Variants in SH2B2 observed in about 807,000 individuals in gnomAD.
The protein encoded by SH2B2 is SH2B adapter protein 2.
SH2B2 carries 37 observed loss-of-function variants against 35.7 expected under a neutral mutation model. The ratio of observed to expected loss-of-function variants is 1.04; its 90% CI spans 0.80 to 1.36. The LOEUF (loss-of-function observed/expected upper bound fraction) is 1.36, where lower values mean the gene tolerates loss of function less well. SH2B2 is among the 40% of genes most tolerant of loss of function. The pLI, the probability that SH2B2 is intolerant of heterozygous loss-of-function variation, is 0.00. For missense variants in SH2B2, 852 were observed against 817.7 expected, an observed-to-expected ratio of 1.04 and a Z score of -0.51; for synonymous variants, 383 against 376.4, an observed-to-expected ratio of 1.02 and a Z score of -0.20.
intron 7 of SH2B2, among the ~76,000 whole-genome samples, chr7:102,318,632 A>C: frequency 6.6e-6 from 1 of 151,780 alleles, no homozygotes; most frequent in Non-Finnish European, 1.5e-5. Context: ...GAACCTTAGG[A>C]CTCCTGCTCC....
rs1018486068 is a variant in SH2B2 at position 102,320,320 on chromosome 7, T to G, written c.1396-11T>G. ...GGACCTGCCCCTGACCACACCCACC[T>G]GTACCCACAGCACCTGCGCCTGTCC... On this transcript the variant is annotated splice_polypyrimidine_tract_variant and intron_variant, in intron 7 of 8. Coordinates refer to ENST00000444095, the MANE Select transcript of SH2B2 (RefSeq NM_001359228.2). 1.9e-6 allele frequency: 3 copies of G among 1,607,718 alleles called. No homozygotes were observed. Among genetic ancestry groups the G allele is most frequent in the Non-Finnish European group, 2.5e-6 (3 of 1,178,998 alleles).
In SH2B2 at chr7:102,300,722, G is replaced by T. The variant is rs1383165812; in HGVS notation, c.172G>T (p.Gly58Cys). The change falls in exon 2 of 9, where the codon GGC (glycine) becomes TGC (cysteine). Residue 58 changes from glycine to cysteine, a missense_variant. Coordinates refer to ENST00000444095, the MANE Select transcript of SH2B2 (RefSeq NM_001359228.2). ...CCCAGCTTACGACACGCCCGACGCC[G>T]GCGCCTCCTTCTCCCGCCACTTCGC... is the stretch of plus-strand genomic sequence containing the variant. ...DNPAYDTPDA[G>C]ASFSRHFAAN... 13 of 1,530,568 alleles carry T rather than the reference G, an allele frequency of 8.5e-6. No homozygotes were observed. The African/African-American group carries it at 1.8e-4, about 21-fold the overall frequency. 94.8% of individuals were successfully genotyped at this position (1,530,568 alleles called of 1,614,324 possible). A position where few individuals can be genotyped will look rare whatever the true frequency, so the allele number is the denominator to read the frequency against.
intron 2 of SH2B2, 150 bp downstream of exon 2, chr7:102,301,429 G>A: frequency 1.1e-6 from 1 of 943,648 alleles, no homozygotes; most frequent in Non-Finnish European, 1.5e-6. Flanking sequence ...TGGGAGGTGG[G>A]CCTGTCATGC....
Position 102,287,646 on chromosome 7 carries a change from C to A in SH2B2, c.-30+552C>A, listed in dbSNP as rs868911388. Among the ~76,000 whole-genome samples the A allele has an allele frequency of 5.9e-5, 9 of 152,268 alleles. No homozygotes were observed. The South Asian group carries it at 1.7e-3, about 28-fold the overall frequency. On this transcript the variant is annotated intron_variant, in intron 1 of 8. Transcript: ENST00000444095. ...CGGAGCCCCCGATTGCCGGGAGGAT[C>A]GTGGAGGGTGCCCAAGAGGCCGGCG...
intron 1 of SH2B2, chr7:102,293,220 T>A (rs1554552079): frequency 6.8e-6 from 1 of 146,450 alleles, no homozygotes; most frequent in South Asian, 2.2e-4. Flanking sequence ...TTTTTTTTTT[T>A]TGGTCCTCCA....
intron 1 of SH2B2, among the ~76,000 whole-genome samples, chr7:102,299,243 G>C (rs552372576): frequency 3.4e-5 from 4 of 116,710 alleles, no homozygotes; most frequent in Admixed American, 3.2e-4. Flanking sequence ...CTGTCACCTA[G>C]GCTGGAGTGC....
Position 102,301,160 on chromosome 7 carries a change from G to A in SH2B2, c.610G>A (p.Val204Met). Residue 204 changes from valine to methionine, a missense_variant, in exon 2 of 9, where the codon GTG (valine) becomes ATG (methionine). This residue lies in a region of SH2B2 where 556 missense variants were observed against 514.5 expected (regional missense o/e 1.08). Transcript: ENST00000444095. ...IQREGALRFM[V>M]ADDAAAGSGG... ...ACGCGAGGGGGCGCTGCGCTTCATG[G>A]TGGCCGACGACGCGGCCGCGGGCTC... is the stretch of plus-strand genomic sequence containing the variant. The A allele has an allele frequency of 6.4e-7, 1 of 1,567,532 alleles. No homozygotes were observed. The highest frequency in any genetic ancestry group is 1.4e-5 in the African/African-American group (1 of 72,282).
chr7:102,313,125 C>CT (rs1363390905), intron 4 of SH2B2, among the ~76,000 whole-genome samples: 3 of 123,838 alleles, frequency 2.4e-5, no homozygotes, highest in Non-Finnish European at 3.3e-5. Context: ...GAGCAAAACT[C>CT]TGTCTAAAAA....
chr7:102,304,735 G>C (rs1793323778), intron 2 of SH2B2, among the ~76,000 whole-genome samples: 1 of 152,230 alleles, frequency 6.6e-6, no homozygotes, highest in African/African-American at 2.4e-5. Flanking sequence ...TTCCAGTCCA[G>C]GCCTCCACTG....
At position 102,321,648 on chromosome 7, in the gene SH2B2, G is replaced by T; in HGVS notation, c.*18G>T. The T allele has an allele frequency of 1.8e-6, 2 of 1,136,520 alleles. No individual in the cohort carries two copies. The highest frequency in any genetic ancestry group is 2.2e-6 in the Non-Finnish European group (2 of 925,110). The allele number at this position is 1,136,520 out of a possible 1,614,324, so 70.4% of individuals were successfully genotyped here. ...TCTACTAGCCCGCGGCGCCGCCCGG[G>T]TGGGACACGCCAAGCTCTTCAGTGA... On this transcript the variant is annotated 3_prime_UTR_variant, in exon 9 of 9. Coordinates refer to ENST00000444095, the MANE Select transcript of SH2B2 (RefSeq NM_001359228.2).
intron 1 of SH2B2, among the ~76,000 whole-genome samples, chr7:102,293,484 A>T (rs1188787453): frequency 5.4e-5 from 8 of 149,390 alleles, no homozygotes; most frequent in African/African-American, 1.7e-4. Context: ...AAAAAAACAC[A>T]TTTTTTCAGG....
chr7:102,315,543 G>T (rs1208942914), intron 6 of SH2B2, among the ~76,000 whole-genome samples: 1 of 151,796 alleles, frequency 6.6e-6, no homozygotes, highest in Non-Finnish European at 1.5e-5. Context: ...TGGCCAGGCT[G>T]ATCTTGAACT....
At chr7:102,286,530 G>A (rs1317218413), upstream of SH2B2, among the ~76,000 whole-genome samples, 3 of 152,080 alleles carry the variant, frequency 2.0e-5, no homozygotes, top group Non-Finnish European at 4.4e-5. Context: ...TCGAGGGGTG[G>A]CCTCCACGAG....
At chr7:102,319,018 AC>A (rs1472774382) in intron 7 of SH2B2, among the ~76,000 whole-genome samples, 8 of 151,698 alleles carry the variant, frequency 5.3e-5, no homozygotes, top group Admixed American at 5.3e-4. Flanking sequence ...TCACCTCTCT[AC>A]CCAGCTGCTC....
At chr7:102,314,313 G>A in intron 4 of SH2B2, 23 bp from the exon 5 acceptor site, 1 of 398,642 alleles carries the variant, frequency 2.5e-6, no homozygotes, top group Admixed American at 4.4e-5. Context: ...GCAGGACATG[G>A]TTTCCATTTC....
chr7:102,309,550 G>A (rs782673385), intron 4 of SH2B2: 5 of 309,020 alleles, frequency 1.6e-5, no homozygotes, highest in African/African-American at 9.1e-5. Context: ...TAGTAGAGAC[G>A]GGGTTTCATC....
chr7:102,309,834 G>C (rs1793549059), intron 4 of SH2B2, among the ~76,000 whole-genome samples: 1 of 152,130 alleles, frequency 6.6e-6, no homozygotes, highest in South Asian at 2.1e-4. Context: ...AGAGAGAAAA[G>C]CCCAGCAAAA....
chr7:102,319,316 C>A (rs1265423839), intron 7 of SH2B2, among the ~76,000 whole-genome samples: 1 of 152,200 alleles, frequency 6.6e-6, no homozygotes, highest in Non-Finnish European at 1.5e-5. Context: ...CGGGCTGAGT[C>A]CCTGCATTGT....
intron 1 of SH2B2, among the ~76,000 whole-genome samples, chr7:102,296,376 G>A (rs920924042): frequency 3.3e-5 from 5 of 152,220 alleles, no homozygotes; most frequent in Admixed American, 3.3e-4. Flanking sequence ...GAGGACAGGC[G>A]AGGGCATGAT....
Sources: allele counts gnomAD v4.1 joint callset (sites outside exome capture counted in the v4.1 genomes callset), GRCh38; gene constraint gnomAD v4.1.1; regional missense constraint gnomAD v4.1.1; transcripts MANE v1.5; gene names NCBI Gene and HGNC (gene_info 2026-07-23, HGNC 2026-07-21).